Variants in RSRC1 observed in about 807,000 individuals in gnomAD.
RSRC1 encodes arginine and serine rich coiled-coil 1, also known as serine/Arginine-related protein 53.
Under a neutral mutation model 49.1 loss-of-function variants are expected in RSRC1, and 39 were observed. The observed-to-expected ratio is 0.79, with a 90% CI of 0.61 to 1.04. RSRC1 has a LOEUF of 1.04. RSRC1 is among the 50% of genes least tolerant of loss of function. RSRC1 has a pLI of 0.00. For missense variants in RSRC1, 388 were observed against 402.4 expected, an observed-to-expected ratio of 0.96 and a Z score of 0.31; for synonymous variants, 143 against 130.8, an observed-to-expected ratio of 1.09 and a Z score of -0.63.
intron 4 of RSRC1, among the ~76,000 whole-genome samples, chr3:158,234,445 A>G (rs1723132217): frequency 1.3e-5 from 2 of 152,198 alleles, no homozygotes; most frequent in African/African-American, 4.8e-5. Context: ...TTCTTTAGTC[A>G]TTTGATGATT....
intron 5 of RSRC1, among the ~76,000 whole-genome samples, chr3:158,354,268 C>T (rs1262388709): frequency 2.0e-5 from 3 of 152,120 alleles, no homozygotes; most frequent in South Asian, 2.1e-4. Flanking sequence ...GGATTACGGG[C>T]GTCAGCCACT....
At chr3:158,116,589 A>T (rs955348141) in intron 1 of RSRC1, among the ~76,000 whole-genome samples, 2 of 152,052 alleles carry the variant, frequency 1.3e-5, no homozygotes, top group African/African-American at 2.4e-5. Context: ...TACTAAGTAT[A>T]ATTTGGTGCC....
chr3:158,347,121 T>TAGTAAA (rs1553790272), intron 5 of RSRC1, among the ~76,000 whole-genome samples: 6 of 152,242 alleles, frequency 3.9e-5, no homozygotes, highest in Non-Finnish European at 8.8e-5. Context: ...TGTAGACATT[T>TAGTAAA]TAGTAAATAG....
chr3:158,240,413 G>C (rs764185858), intron 4 of RSRC1, among the ~76,000 whole-genome samples: 12 of 152,010 alleles, frequency 7.9e-5, no homozygotes, highest in Non-Finnish European at 1.5e-4. Context: ...TTTAAACCCA[G>C]GAATGGGGTA....
intron 3 of RSRC1, among the ~76,000 whole-genome samples, chr3:158,154,408 AAATG>A (rs1288504478): frequency 6.6e-6 from 1 of 152,024 alleles, no homozygotes; most frequent in African/African-American, 2.4e-5. Flanking sequence ...ACCCTTTTTT[AAATG>A]AAAGATTTCT....
At chr3:158,468,226 C>A (rs951434790) in intron 7 of RSRC1, among the ~76,000 whole-genome samples, 1 of 152,182 alleles carries the variant, frequency 6.6e-6, no homozygotes, top group Non-Finnish European at 1.5e-5. Context: ...AGCCACCGCG[C>A]CCGGCCAGAA....
At chr3:158,456,383 A>C (rs990625458) in intron 6 of RSRC1, among the ~76,000 whole-genome samples, 1 of 151,468 alleles carries the variant, frequency 6.6e-6, no homozygotes, top group African/African-American at 2.4e-5. Flanking sequence ...CATTAGCCCA[A>C]ACTCAGGTAA....
At chr3:158,334,566 C>T (rs1024558685) in intron 5 of RSRC1, among the ~76,000 whole-genome samples, 2 of 150,772 alleles carry the variant, frequency 1.3e-5, no homozygotes, top group Admixed American at 6.6e-5. Flanking sequence ...CTGCAACCTC[C>T]GACTCCCTGG....
intron 5 of RSRC1, among the ~76,000 whole-genome samples, chr3:158,336,157 G>A (rs1559998979): frequency 6.6e-6 from 1 of 152,240 alleles, no homozygotes; most frequent in Non-Finnish European, 1.5e-5. Context: ...GGAAGATGCT[G>A]CGGTTGTCCT....
At chr3:158,424,756 C>G (rs892606026) in intron 6 of RSRC1, among the ~76,000 whole-genome samples, 3 of 151,984 alleles carry the variant, frequency 2.0e-5, no homozygotes, top group Non-Finnish European at 2.9e-5. Flanking sequence ...ACAATTTCAG[C>G]TCCTGTTATT....
At chr3:158,129,991 G>A (rs1252508885) in intron 3 of RSRC1, among the ~76,000 whole-genome samples, 1 of 152,106 alleles carries the variant, frequency 6.6e-6, no homozygotes, top group African/African-American at 2.4e-5. Context: ...TACACAGTTA[G>A]GGCAGCTGTG....
intron 5 of RSRC1, among the ~76,000 whole-genome samples, chr3:158,328,291 A>G (rs1729298204): frequency 6.6e-6 from 1 of 152,068 alleles, no homozygotes; most frequent in African/African-American, 2.4e-5. Flanking sequence ...TTAGCTGCTT[A>G]TTTTGCTGAT....
At chr3:158,376,112 A>T in intron 6 of RSRC1, among the ~76,000 whole-genome samples, 1 of 95,740 alleles carries the variant, frequency 1.0e-5, no homozygotes, top group Non-Finnish European at 1.9e-5. Context: ...AGTCGTTCCT[A>T]TGGTCTACCT....
intron 7 of RSRC1, among the ~76,000 whole-genome samples, chr3:158,510,500 A>G (rs1740097402): frequency 6.6e-6 from 1 of 151,410 alleles, no homozygotes; most frequent in African/African-American, 2.4e-5. Context: ...TCCACCTGGA[A>G]TTTTTTTTTA....
chr3:158,417,468 A>G (rs17627933), intron 6 of RSRC1, among the ~76,000 whole-genome samples: 33,041 of 151,946 alleles, frequency 0.22, 4,211 homozygotes, highest in Non-Finnish European at 0.29. Context: ...TCACACTGAG[A>G]TTTCTCTAAG....
chr3:158,214,066 G>T (rs570203401), intron 4 of RSRC1, among the ~76,000 whole-genome samples: 49 of 142,896 alleles, frequency 3.4e-4, no homozygotes, highest in African/African-American at 1.3e-3. Context: ...AAAAAGTACA[G>T]TATAACTATT....
At chr3:158,308,290 T>C (rs1218560396) in intron 5 of RSRC1, among the ~76,000 whole-genome samples, 1 of 151,998 alleles carries the variant, frequency 6.6e-6, no homozygotes, top group Non-Finnish European at 1.5e-5. Context: ...TCGTAGCTGA[T>C]GAAAAGCTGA....
At chr3:158,373,685 A>T (rs1732203659) in intron 6 of RSRC1, among the ~76,000 whole-genome samples, 1 of 151,952 alleles carries the variant, frequency 6.6e-6, no homozygotes, top group Admixed American at 6.6e-5. Context: ...TAAATACTTC[A>T]TTAGAACCAT....
intron 6 of RSRC1, among the ~76,000 whole-genome samples, chr3:158,367,391 A>G (rs752852225): frequency 3.9e-5 from 6 of 152,174 alleles, no homozygotes; most frequent in Non-Finnish European, 7.3e-5. Context: ...CTATTCAAAT[A>G]ATCATGTGGT....
Sources: gnomAD v4.1 joint callset for allele counts (sites outside exome capture counted in the v4.1 genomes callset) on GRCh38, gnomAD v4.1.1 for gene constraint, MANE v1.5 for transcripts, NCBI Gene and HGNC (gene_info 2026-07-23, HGNC 2026-07-21) for gene names.